The following SUFU variants were observed in gnomAD, a reference collection of about 807,000 sequenced individuals.
SUFU encodes suppressor of fused homolog.
SUFU carries 7 observed loss-of-function variants against 58.9 expected under a neutral mutation model. That is an observed-to-expected ratio of 0.12 (90% CI 0.07 to 0.22). SUFU has a LOEUF of 0.22. Among genes scored for constraint, SUFU ranks in the 10% least tolerant of loss-of-function variants. The pLI is 1.00. For missense variants in SUFU, 451 were observed against 641.3 expected (o/e 0.70, Z 3.20); for synonymous variants, 232 against 254.8 (o/e 0.91, Z 0.85).
chr10:102,621,827 G>A (rs567249649), intron 10 of SUFU, among the ~76,000 whole-genome samples: 5 of 152,356 alleles, frequency 3.3e-5, no homozygotes, highest in Admixed American at 1.3e-4. Context: ...CCAAAGGGAA[G>A]GAGTGGGCAT....
intron 3 of SUFU, among the ~76,000 whole-genome samples, chr10:102,583,891 G>A (rs1184355317): frequency 6.6e-6 from 1 of 152,018 alleles, no homozygotes; most frequent in African/African-American, 2.4e-5. Flanking sequence ...GGTGTGTGAT[G>A]TTCGGTTTGG....
At chr10:102,568,760 G>A (rs890426392) in intron 3 of SUFU, among the ~76,000 whole-genome samples, 6 of 149,816 alleles carry the variant, frequency 4.0e-5, no homozygotes, top group African/African-American at 1.5e-4. Context: ...TGTAATCCCA[G>A]CTACTTGGGA....
At chr10:102,570,780 C>T (rs762262072) in intron 3 of SUFU, among the ~76,000 whole-genome samples, 1 of 152,078 alleles carries the variant, frequency 6.6e-6, no homozygotes, top group Non-Finnish European at 1.5e-5. Flanking sequence ...CGTGGCTCCT[C>T]GAAGAAAACA....
intron 8 of SUFU, among the ~76,000 whole-genome samples, chr10:102,610,111 TCA>T (rs1223467853): frequency 6.6e-6 from 1 of 152,088 alleles, no homozygotes; most frequent in Admixed American, 6.6e-5. Context: ...GCGCGGTGAC[TCA>T]CACCTGTAAT....
Position 102,619,069 on chromosome 10 carries a change from T to C in SUFU, c.1296+1641T>C. On this transcript the variant is annotated intron_variant, in intron 10 of 11. Coordinates refer to ENST00000369902, the MANE Select transcript of SUFU (RefSeq NM_016169.4). This position sits in a 1 kb window ranked among gnomAD's most constrained non-coding sequence, Gnocchi z 4.2. ...CAGTTATGTTTGACATCCTCAGCTC[T>C]GAACCTATCCTCGGAGCTCTGCCCT... 2.5e-6 allele frequency: 4 copies of C among 1,612,764 alleles called. No homozygotes were observed. The highest frequency in any genetic ancestry group is 2.5e-6 in the Non-Finnish European group (3 of 1,179,858).
chr10:102,516,188 C>T (rs1275920372), intron 2 of SUFU, among the ~76,000 whole-genome samples: 9 of 139,382 alleles, frequency 6.5e-5, no homozygotes, highest in Admixed American at 3.8e-4. Flanking sequence ...TGCAGTGACA[C>T]GACCTCGACT....
At chr10:102,508,749 T>C (rs780293271) in intron 1 of SUFU, among the ~76,000 whole-genome samples, 41 of 152,298 alleles carry the variant, frequency 2.7e-4, no homozygotes, top group East Asian at 1.2e-3. Flanking sequence ...ACAATGCCCA[T>C]TGGGGATGCT....
In SUFU at chr10:102,615,126, T is replaced by C; in HGVS notation, c.1023-142T>C. The stretch of plus-strand genomic sequence containing the variant: ...CAGTGGCTGGCGCTCGCCAGGCATA[T>C]ACAGAATGATGGCTGTCACCATCAT... On this transcript the variant is annotated intron_variant, in intron 8 of 11. Transcript: ENST00000369902. 5.4e-6 allele frequency: 7 copies of C among 1,286,186 alleles called. No individual in the cohort carries two copies. The South Asian group carries it at 6.2e-5, about 11-fold the overall frequency. 79.7% of individuals were successfully genotyped at this position (1,286,186 alleles called of 1,614,324 possible).
At chr10:102,560,944 A>G (rs1382008380) in intron 3 of SUFU, among the ~76,000 whole-genome samples, 2 of 151,784 alleles carry the variant, frequency 1.3e-5, no homozygotes, top group Non-Finnish European at 2.9e-5. Flanking sequence ...TTCTCCTCCC[A>G]GCGATTTTCC....
chr10:102,618,979 T>TGTA, intron 10 of SUFU: 1 of 999,110 alleles, frequency 1.0e-6, no homozygotes, highest in Non-Finnish European at 1.6e-6. Flanking sequence ...TGTGTGTGTG[T>TGTA]AATGTTCAAG....
chr10:102,592,706 G>A lies in SUFU; in HGVS notation c.579G>A (p.Gly193=), dbSNP rs1590061953. Residue 193 remains glycine, a synonymous_variant, in exon 4 of 12, where the codon GGG becomes GGA. Transcript: ENST00000369902. The part of the protein sequence containing the change: ...PQMQPVQTPF[G]VVTFLQIVGV... Reference sequence around the variant, plus strand: ...TGCAGCCCGTGCAGACACCCTTTGGGGTAGTTACCTTCCTCCAGGTGAGGC... The same window carrying A: ...TGCAGCCCGTGCAGACACCCTTTGGAGTAGTTACCTTCCTCCAGGTGAGGC... 2.5e-6 allele frequency: 4 copies of A among 1,614,140 alleles called. No homozygotes were observed. Among genetic ancestry groups the A allele is most frequent in the Non-Finnish European group, 3.4e-6 (4 of 1,180,044 alleles).
At chr10:102,620,068 A>G (rs1374554591) in intron 10 of SUFU, among the ~76,000 whole-genome samples, 1 of 152,154 alleles carries the variant, frequency 6.6e-6, no homozygotes, top group Admixed American at 6.5e-5. Flanking sequence ...AGTAGGAAGG[A>G]GTGAAATCCA....
rs955374726 is a variant in SUFU, at chr10:102,629,486, C to A, written c.1366-580C>A. 1.3e-5 allele frequency among the ~76,000 whole-genome samples: 2 copies of A among 152,170 alleles called. No individual in the cohort carries two copies. Among genetic ancestry groups the A allele is most frequent in the African/African-American group, 4.8e-5 (2 of 41,426 alleles). On this transcript the variant is annotated intron_variant, in intron 11 of 11. Coordinates refer to ENST00000369902, the MANE Select transcript of SUFU (RefSeq NM_016169.4). The surrounding 1 kb of genome is among the most constrained non-coding windows in gnomAD (Gnocchi z 4.7). ...GGGTGGGGATTGGCCCCTCTCAGGC[C>A]CAAGGGATCACCTCAAACCACACTT...
chr10:102,513,604 A>G (rs529437618), intron 2 of SUFU, among the ~76,000 whole-genome samples: 9 of 152,358 alleles, frequency 5.9e-5, no homozygotes, highest in African/African-American at 2.2e-4. Context: ...ACGGTCTGGG[A>G]GCAGAGCAGA....
chr10:102,542,538 G>A (rs1458203345), intron 2 of SUFU, among the ~76,000 whole-genome samples: 18 of 151,818 alleles, frequency 1.2e-4, no homozygotes, highest in Non-Finnish European at 7.4e-5. Flanking sequence ...GCCTCCCAAA[G>A]TTCTGGGATT....
chr10:102,611,307 G>A (rs1287227428), intron 8 of SUFU, among the ~76,000 whole-genome samples: 2 of 152,244 alleles, frequency 1.3e-5, no homozygotes, highest in African/African-American at 4.8e-5. Flanking sequence ...AGTGGTTTGA[G>A]AATTGCAGGA....
At chr10:102,544,381 C>T (rs538153472) in intron 2 of SUFU, among the ~76,000 whole-genome samples, 8 of 152,058 alleles carry the variant, frequency 5.3e-5, no homozygotes, top group Non-Finnish European at 1.2e-4. Context: ...GTTACACAAC[C>T]AGTACATTAT....
chr10:102,620,478 C>T lies in SUFU; in HGVS notation c.1296+3050C>T, dbSNP rs139558247. On this transcript the variant is annotated intron_variant, in intron 10 of 11. Coordinates refer to ENST00000369902, the MANE Select transcript of SUFU (RefSeq NM_016169.4). Reference sequence around the variant, plus strand: ...GTGGCAAAGCAGGGCTTGTCTGCAGCACCAGGTGGAGCACAGTGGACACTC... The same window carrying T: ...GTGGCAAAGCAGGGCTTGTCTGCAGTACCAGGTGGAGCACAGTGGACACTC... 1.8e-3 allele frequency among the ~76,000 whole-genome samples: 280 copies of T among 152,330 alleles called. 2 individuals carry two copies. The highest frequency in any genetic ancestry group is 3.2e-3 in the Non-Finnish European group (220 of 68,032).
intron 3 of SUFU, among the ~76,000 whole-genome samples, chr10:102,575,331 A>C (rs1461836679): frequency 6.6e-6 from 1 of 152,190 alleles, no homozygotes; most frequent in Non-Finnish European, 1.5e-5. Context: ...AGAATATCTG[A>C]AACTGCTAAT....
Sources: gnomAD v4.1 joint callset for allele counts (sites outside exome capture counted in the v4.1 genomes callset) on GRCh38, gnomAD v4.1.1 for gene constraint, Gnocchi (gnomAD v3.1) non-coding constraint, MANE v1.5 for transcripts, NCBI Gene and HGNC (gene_info 2026-07-23, HGNC 2026-07-21) for gene names.